The following FBXO7 variants were observed in gnomAD, a reference collection of about 807,000 sequenced individuals.
The protein encoded by FBXO7 is F-box protein 7.
Under a neutral mutation model 50.2 loss-of-function variants are expected in FBXO7, and 31 were observed. The observed-to-expected ratio is 0.62, with a 90% CI of 0.46 to 0.83. The LOEUF (loss-of-function observed/expected upper bound fraction) is 0.83. Among genes scored for constraint, FBXO7 ranks in the 40% least tolerant of loss-of-function variants. FBXO7 has a pLI of 0.00. For synonymous variants in FBXO7, 256 were observed against 253.1 expected (o/e 1.01, Z -0.11); for missense variants, 667 against 646.6 (o/e 1.03, Z -0.34).
chr22:32,493,628 TAGG>T (rs763550902), intron 7 of FBXO7, among the ~76,000 whole-genome samples: 15 of 152,326 alleles, frequency 9.8e-5, no homozygotes, highest in African/African-American at 3.4e-4. Flanking sequence ...ATGTGTAAGT[TAGG>T]AGAGTTTTGT....
intron 7 of FBXO7, among the ~76,000 whole-genome samples, chr22:32,493,894 C>A (rs1412028820): frequency 6.6e-6 from 1 of 151,848 alleles, no homozygotes; most frequent in Non-Finnish European, 1.5e-5. Flanking sequence ...ACAAAACCCA[C>A]AATGGAAAAA....
rs2057595617 is a variant in FBXO7, at chr22:32,498,806, C to T, written c.*276C>T. ...GTTTGTTTTCTGATGCTGTTCTTAC[C>T]AGATTAAAAAAAAGTGTAAATTACA... is the stretch of plus-strand genomic sequence containing the variant. On this transcript the variant is annotated 3_prime_UTR_variant, in exon 9 of 9. Coordinates refer to ENST00000266087, the MANE Select transcript of FBXO7 (RefSeq NM_012179.4). 1 of 477,254 alleles carries T rather than the reference C, an allele frequency of 2.1e-6. No individual in the cohort carries two copies. Among genetic ancestry groups the T allele is most frequent in the South Asian group, 2.7e-5 (1 of 36,754 alleles). 29.6% of individuals were successfully genotyped at this position (477,254 alleles called of 1,614,324 possible).
chr22:32,475,343 G>A (rs2057419991), intron 1 of FBXO7: 3 of 1,608,498 alleles, frequency 1.9e-6, no homozygotes, highest in Non-Finnish European at 2.5e-6. Flanking sequence ...GGTCGGCTGG[G>A]GTCCGGCTCC....
chr22:32,486,337 T>TGG (rs2057498374), intron 4 of FBXO7, among the ~76,000 whole-genome samples: 1 of 152,080 alleles, frequency 6.6e-6, no homozygotes, highest in African/African-American at 2.4e-5. Context: ...ACAAAGTTTC[T>TGG]TTTTTCTTTT....
Position 32,475,352 on chromosome 22 carries a change from C to G in FBXO7, c.122+228C>G, listed in dbSNP as rs542465300. ...GCGGGTGGTCGGCTGGGGTCCGGCT[C>G]CTGGAGAACATGGCCCGGCCTCCCG... On this transcript the variant is annotated intron_variant, in intron 1 of 8. Transcript: ENST00000266087. 146 of 1,608,950 alleles carry G rather than the reference C, an allele frequency of 9.1e-5. 2 individuals carry two copies. In the South Asian group the frequency reaches 1.5e-3, roughly 17 times the overall value.
intron 8 of FBXO7, among the ~76,000 whole-genome samples, chr22:32,496,094 C>T (rs373562204): frequency 7.2e-5 from 11 of 152,224 alleles, no homozygotes; most frequent in African/African-American, 2.7e-4. Flanking sequence ...CTTCAAAGGA[C>T]AGGCTGACTC....
chr22:32,498,472 G>T lies in FBXO7; in HGVS notation c.1511G>T (p.Arg504Ile). 5.0e-6 allele frequency: 8 copies of T among 1,614,188 alleles called. No homozygotes were observed. The highest frequency in any genetic ancestry group is 6.8e-6 in the Non-Finnish European group (8 of 1,180,042). The change falls in exon 9 of 9, where the codon AGA becomes ATA. Residue 504 changes from arginine (R) to isoleucine (I), a missense_variant. Arg to Ile is a moderately conservative substitution (Grantham distance 97, BLOSUM62 -3). Coordinates refer to ENST00000266087, the MANE Select transcript of FBXO7 (RefSeq NM_012179.4). ...CCAGGGCGAGGCGGCCCCAATGACA[G>T]ATTTCCCTTTAGACCCAGCAGGGGT... ...ILPGRGGPND[R>I]FPFRPSRGRP...
intron 1 of FBXO7, chr22:32,475,614 C>G (rs2057422992): frequency 1.7e-6 from 1 of 573,360 alleles, no homozygotes; most frequent in Non-Finnish European, 2.9e-6. Flanking sequence ...TGCCCTCAAT[C>G]CGAGGCCACC....
rs1260911957 is a variant in FBXO7 at position 32,491,199 on chromosome 22, G to C, written c.967+18G>C. 1 of 1,498,402 alleles carries C rather than the reference G, an allele frequency of 6.7e-7. No homozygotes were observed. The highest frequency in any genetic ancestry group is 1.1e-5 in the South Asian group (1 of 88,476). The allele number at this position is 1,498,402 out of a possible 1,614,324, so 92.8% of individuals were successfully genotyped here. On this transcript the variant is annotated intron_variant, in intron 6 of 8. Coordinates refer to ENST00000266087, the MANE Select transcript of FBXO7 (RefSeq NM_012179.4). ...CCGACAAGGTAAGAGATGAAATACT[G>C]TCACAATTTAAATGACTGTAAAGAA...
chr22:32,488,919 T>C (rs2057516818), intron 5 of FBXO7: 1 of 152,276 alleles, frequency 6.6e-6, no homozygotes, highest in African/African-American at 2.4e-5. Context: ...CAAGCAATTC[T>C]TCTGCCTCAG....
At position 32,483,989 on chromosome 22, in the gene FBXO7, C is replaced by G. The variant is rs2057481442; in HGVS notation, c.510C>G (p.Leu170=). ...GTTTCTATCCCTCAGAACCCATGCT[C>G]TGTAGTGAATCGGTGGAAGGGCAAG... ...GTGFYPSEPM[L]CSESVEGQVP... is the part of the protein sequence containing the mutation. The change falls in exon 3 of 9, where the codon CTC becomes CTG. Residue 170 remains leucine (L), a synonymous_variant. Coordinates refer to ENST00000266087, the MANE Select transcript of FBXO7 (RefSeq NM_012179.4). The G allele has an allele frequency of 1.2e-6, 2 of 1,614,054 alleles. No homozygotes were observed. Among genetic ancestry groups the G allele is most frequent in the African/African-American group, 2.7e-5 (2 of 74,916 alleles).
chr22:32,493,122 G>A lies in FBXO7; in HGVS notation c.985G>A (p.Val329Ile). The change falls in exon 7 of 9, where the codon GTA (valine) becomes ATA (isoleucine). Residue 329 changes from valine (V) to isoleucine (I), a missense_variant. Val to Ile is a conservative substitution (Grantham distance 29, BLOSUM62 3). Coordinates refer to ENST00000266087, the MANE Select transcript of FBXO7 (RefSeq NM_012179.4). ...FTRQALNLPD[V>I]FGLVVLPLEL... ...CCTTTTAGCACTGAACCTACCAGAT[G>A]TATTTGGGTTGGTCGTCCTCCCATT... The A allele has an allele frequency of 1.2e-6, 2 of 1,614,136 alleles. No homozygotes were observed. Among genetic ancestry groups the A allele is most frequent in the Non-Finnish European group, 1.7e-6 (2 of 1,179,980 alleles).
intron 5 of FBXO7, chr22:32,489,373 T>A (rs960051175): frequency 2.0e-5 from 3 of 152,252 alleles, no homozygotes; most frequent in Admixed American, 6.5e-5. Flanking sequence ...TATAGATGGC[T>A]TTTATCATGA....
chr22:32,495,346 G>C (rs893800158), intron 7 of FBXO7, 147 bp from the exon 8 acceptor site: 3 of 596,996 alleles, frequency 5.0e-6, no homozygotes, highest in Non-Finnish European at 8.9e-6. Flanking sequence ...AAATGATATA[G>C]TGTGTGTTAT....
chr22:32,495,286 A>G (rs949875197), intron 7 of FBXO7, among the ~76,000 whole-genome samples: 9 of 152,214 alleles, frequency 5.9e-5, no homozygotes, highest in Non-Finnish European at 8.8e-5. Flanking sequence ...CAGAGCAGCA[A>G]TGATCACCCT....
intron 5 of FBXO7, chr22:32,490,459 A>T (rs1165568691): frequency 1.3e-5 from 2 of 152,410 alleles, no homozygotes; most frequent in Admixed American, 1.3e-4. Context: ...AGTTCCAGGT[A>T]TTGTCAGTTC....
chr22:32,487,685 A>C, intron 4 of FBXO7, 60 bp from the exon 5 acceptor site: 1 of 1,100,002 alleles, frequency 9.1e-7, no homozygotes, highest in Non-Finnish European at 1.4e-6. Flanking sequence ...CATACTAAAA[A>C]AGAAAGGCAG....
chr22:32,486,231 G>A (rs778325101), intron 4 of FBXO7, among the ~76,000 whole-genome samples: 1 of 117,832 alleles, frequency 8.5e-6, no homozygotes, highest in Non-Finnish European at 1.7e-5. Context: ...TTGAAAAAAT[G>A]TTGGTTTTTT....
At chr22:32,490,732 TA>T (rs5845003) in intron 5 of FBXO7, 134,568 of 217,932 alleles carry the variant, frequency 0.62, 42,084 homozygotes, top group East Asian at 0.7. Flanking sequence ...TTCTAAGCGT[TA>T]ACAGGAGCAG....
Sources: allele counts gnomAD v4.1 joint callset (sites outside exome capture counted in the v4.1 genomes callset), GRCh38; gene constraint gnomAD v4.1.1; transcripts MANE v1.5; gene names NCBI Gene and HGNC (gene_info 2026-07-23, HGNC 2026-07-21).